Variants in NCAM2 observed in about 807,000 individuals in gnomAD.
NCAM2 encodes neural cell adhesion molecule 2, also known as N-CAM-2.
Under a neutral mutation model 98.1 loss-of-function variants are expected in NCAM2, and 30 were observed. The ratio of observed to expected loss-of-function variants is 0.31; its 90% CI spans 0.23 to 0.41. The LOEUF (loss-of-function observed/expected upper bound fraction) is 0.41. Among genes scored for constraint, NCAM2 ranks in the 10% least tolerant of loss-of-function variants. NCAM2 has a pLI of 1.00. For synonymous variants in NCAM2, 368 were observed against 342.4 expected (o/e 1.07, Z -0.83); for missense variants, 867 against 1,005.8 (o/e 0.86, Z 1.87).
chr21:21,297,579 A>G (rs1007930964), intron 5 of NCAM2, among the ~76,000 whole-genome samples: 1 of 151,740 alleles, frequency 6.6e-6, no homozygotes, highest in African/African-American at 2.4e-5. Flanking sequence ...TTAACTAGAT[A>G]ATTGTGCTAT....
chr21:21,201,871 A>G (rs963297140), intron 1 of NCAM2, among the ~76,000 whole-genome samples: 1 of 152,190 alleles, frequency 6.6e-6, no homozygotes, highest in African/African-American at 2.4e-5. Context: ...CTGAATTCTC[A>G]GATATTTCTC....
chr21:21,074,305 A>ATTACATTTATTTTACATTAAT (rs2065633698), intron 1 of NCAM2, among the ~76,000 whole-genome samples: 1 of 152,022 alleles, frequency 6.6e-6, no homozygotes, highest in East Asian at 1.9e-4. Context: ...TTTTACATTA[A>ATTACATTTATTTTACATTAAT]TTACATTTAT....
At chr21:21,109,991 G>A (rs1408621301) in intron 1 of NCAM2, among the ~76,000 whole-genome samples, 1 of 152,140 alleles carries the variant, frequency 6.6e-6, no homozygotes, top group Non-Finnish European at 1.5e-5. Context: ...GTTTTGTCTT[G>A]CTGGAGTTGC....
At chr21:21,148,486 A>T (rs992361321) in intron 1 of NCAM2, among the ~76,000 whole-genome samples, 2 of 152,212 alleles carry the variant, frequency 1.3e-5, no homozygotes, top group Non-Finnish European at 2.9e-5. Flanking sequence ...AGGGAGAAGA[A>T]GATACTGTTA....
intron 10 of NCAM2, among the ~76,000 whole-genome samples, chr21:21,414,472 T>TG (rs1569037056): frequency 1.5e-5 from 1 of 68,374 alleles, no homozygotes; most frequent in Non-Finnish European, 2.9e-5. Flanking sequence ...TTTTGTTGTG[T>TG]GTTTTTTTTT....
intron 1 of NCAM2, among the ~76,000 whole-genome samples, chr21:21,038,334 T>C (rs2064838305): frequency 1.3e-5 from 2 of 152,190 alleles, no homozygotes; most frequent in Admixed American, 1.3e-4. Context: ...AAAAAACATA[T>C]TTGTTGTTTA....
intron 5 of NCAM2, among the ~76,000 whole-genome samples, chr21:21,302,182 A>T (rs2073735629): frequency 6.6e-6 from 1 of 151,748 alleles, no homozygotes; most frequent in Non-Finnish European, 1.5e-5. Flanking sequence ...TTGCGGCATT[A>T]TTCACAATAG....
intron 1 of NCAM2, among the ~76,000 whole-genome samples, chr21:21,209,804 C>T (rs1044057153): frequency 2.9e-4 from 44 of 152,152 alleles, no homozygotes; most frequent in African/African-American, 1.1e-3. Context: ...GAAACAGTGG[C>T]AGACACTAGC....
intron 1 of NCAM2, among the ~76,000 whole-genome samples, chr21:21,170,443 A>G (rs1330642065): frequency 6.6e-6 from 1 of 152,222 alleles, no homozygotes; most frequent in Non-Finnish European, 1.5e-5. Context: ...ACTTAAGTGC[A>G]TATTACCAAG....
intron 1 of NCAM2, among the ~76,000 whole-genome samples, chr21:21,229,830 T>C (rs2070548412): frequency 6.6e-6 from 1 of 151,448 alleles, no homozygotes; most frequent in South Asian, 2.1e-4. Flanking sequence ...ACCAAAAATA[T>C]ATTAGCCATC....
At chr21:21,064,974 G>A (rs1385307762) in intron 1 of NCAM2, among the ~76,000 whole-genome samples, 1 of 152,098 alleles carries the variant, frequency 6.6e-6, no homozygotes, top group East Asian at 1.9e-4. Flanking sequence ...GAGGTCAGGA[G>A]TTCAAGAGCA....
chr21:21,000,205 T>C (rs2063993248), intron 1 of NCAM2, among the ~76,000 whole-genome samples: 1 of 152,188 alleles, frequency 6.6e-6, no homozygotes, highest in African/African-American at 2.4e-5. Context: ...TGTTCATTTA[T>C]AGCATAGACA....
intron 1 of NCAM2, among the ~76,000 whole-genome samples, chr21:21,135,519 A>C (rs1190045455): frequency 1.3e-5 from 2 of 152,160 alleles, no homozygotes; most frequent in Non-Finnish European, 2.9e-5. Context: ...CAGTCTTAGC[A>C]TTTATTTTAT....
chr21:21,252,092 G>GA (rs959823799), intron 1 of NCAM2, among the ~76,000 whole-genome samples: 4 of 151,166 alleles, frequency 2.6e-5, no homozygotes, highest in African/African-American at 9.7e-5. Context: ...AACAAGCATG[G>GA]AAAAAAAAGC....
At chr21:21,376,578 G>A (rs981065401) in intron 9 of NCAM2, among the ~76,000 whole-genome samples, 5 of 151,456 alleles carry the variant, frequency 3.3e-5, no homozygotes, top group Non-Finnish European at 7.4e-5. Flanking sequence ...GAAAATAATG[G>A]GATAAACAAA....
rs535957939 is a variant in NCAM2, at chr21:21,466,573, GTTTTA to G, written c.1655-28_1655-24del. 3,171 of 1,458,596 alleles carry G rather than the reference GTTTTA, an allele frequency of 2.2e-3. 9 individuals are homozygous for G. The highest frequency in any genetic ancestry group is 3.5e-3 in the Middle Eastern group (19 of 5,428). 90.4% of individuals were successfully genotyped at this position (1,458,596 alleles called of 1,614,324 possible). Reference sequence around the variant, plus strand: ...CAATTAGATATATATGTATATATATGTTTTATTTTGTTTTGTTTTGTTTTTCTTCT... The same window carrying G: ...CAATTAGATATATATGTATATATATGTTTTGTTTTGTTTTGTTTTTCTTCT... On this transcript the variant is annotated intron_variant, in intron 12 of 17. Coordinates refer to ENST00000400546, the MANE Select transcript of NCAM2 (RefSeq NM_004540.5).
chr21:21,204,510 A>C (rs1307879082), intron 1 of NCAM2, among the ~76,000 whole-genome samples: 1 of 152,126 alleles, frequency 6.6e-6, no homozygotes, highest in Non-Finnish European at 1.5e-5. Context: ...AACATTTTCA[A>C]ACTTGTTATG....
At chr21:21,199,513 C>T (rs2069130907) in intron 1 of NCAM2, among the ~76,000 whole-genome samples, 1 of 152,164 alleles carries the variant, frequency 6.6e-6, no homozygotes, top group Non-Finnish European at 1.5e-5. Context: ...ATGCTCCTGT[C>T]TAGGGTCTTC....
At chr21:21,258,527 GC>G (rs2071762993) in intron 1 of NCAM2, among the ~76,000 whole-genome samples, 2 of 152,096 alleles carry the variant, frequency 1.3e-5, no homozygotes, top group Admixed American at 6.5e-5. Flanking sequence ...GTTCACCCCT[GC>G]AACAACCTGC....
Sources: allele counts gnomAD v4.1 joint callset (sites outside exome capture counted in the v4.1 genomes callset), GRCh38; gene constraint gnomAD v4.1.1; transcripts MANE v1.5; gene names NCBI Gene and HGNC (gene_info 2026-07-23, HGNC 2026-07-21).